Variants in ZNF790 observed in about 807,000 individuals in gnomAD.
The protein encoded by ZNF790 is zinc finger protein 790.
A neutral mutation model predicts 12.1 loss-of-function variants in ZNF790; 8 were observed. The ratio of observed to expected loss-of-function variants is 0.66; its 90% CI spans 0.39 to 1.19. The LOEUF is 1.19. ZNF790 is among the 50% of genes most tolerant of loss of function. The probability of loss-of-function intolerance (pLI) is 0.01; values close to 1 mark genes in which losing one functional copy is unlikely to be tolerated. For missense variants in ZNF790, 707 were observed against 752.2 expected (o/e 0.94, Z 0.70); for synonymous variants, 252 against 244.3 (o/e 1.03, Z -0.29).
intron 1 of ZNF790, among the ~76,000 whole-genome samples, chr19:36,834,294 C>G (rs1001508539): frequency 6.8e-6 from 1 of 146,428 alleles, no homozygotes; most frequent in Non-Finnish European, 1.5e-5. Flanking sequence ...GCAAACCTTA[C>G]GCTAGGAGAC....
intron 1 of ZNF790, among the ~76,000 whole-genome samples, chr19:36,834,167 G>A (rs533328719): frequency 2.0e-5 from 3 of 150,914 alleles, no homozygotes; most frequent in East Asian, 2.0e-4. Context: ...CACTTGAACC[G>A]GGGAGGCAGA....
At chr19:36,849,823 A>G (rs1367926785) in intron 1 of ZNF790, among the ~76,000 whole-genome samples, 2 of 151,244 alleles carry the variant, frequency 1.3e-5, no homozygotes, top group South Asian at 2.1e-4. Flanking sequence ...CACACACTCA[A>G]TATGACCTCC....
At position 36,819,639 on chromosome 19, in the gene ZNF790, A is replaced by T; in HGVS notation, c.705T>A (p.Phe235Leu). The change falls in exon 5 of 5, where the codon TTT becomes TTA. Residue 235 changes from phenylalanine (F) to leucine (L), a missense_variant. Transcript: ENST00000356725. ...TYECKECGKS[F>L]SLRSSLTGHK... ...GACCAGTAAGACTCGAACGTAAACT[A>T]AAAGACTTCCCACATTCTTTACATT... 2 of 1,607,486 alleles carry T rather than the reference A, an allele frequency of 1.2e-6. No homozygotes were observed. The highest frequency in any genetic ancestry group is 4.5e-5 in the East Asian group (2 of 44,766).
At chr19:36,824,239 C>T (rs576803164) in intron 2 of ZNF790, among the ~76,000 whole-genome samples, 25 of 151,896 alleles carry the variant, frequency 1.6e-4, no homozygotes, top group African/African-American at 5.6e-4. Context: ...CCTTGTGATC[C>T]ACCCGCCTCG....
At chr19:36,826,652 A>G (rs979363421) in intron 1 of ZNF790, among the ~76,000 whole-genome samples, 1 of 148,098 alleles carries the variant, frequency 6.8e-6, no homozygotes, top group African/African-American at 2.5e-5. Context: ...AATTATATAT[A>G]TATATGCCTC....
At chr19:36,823,990 C>CGCTTTTT (rs1382604008) in intron 2 of ZNF790, among the ~76,000 whole-genome samples, 200 bp from the exon 3 acceptor site, 1 of 104,468 alleles carries the variant, frequency 9.6e-6, no homozygotes, top group Admixed American at 9.2e-5. Flanking sequence ...TGTCTACATG[C>CGCTTTTT]TCTTTTTTTT....
intron 1 of ZNF790, among the ~76,000 whole-genome samples, chr19:36,835,582 C>T (rs1568341501): frequency 6.6e-6 from 1 of 152,140 alleles, no homozygotes; most frequent in Non-Finnish European, 1.5e-5. Context: ...CACTACACCA[C>T]TGTATTAGTT....
At chr19:36,827,139 CACATATATATATATATATATAT>C in intron 1 of ZNF790, among the ~76,000 whole-genome samples, 1 of 70,218 alleles carries the variant, frequency 1.4e-5, no homozygotes, top group African/African-American at 6.2e-5. Flanking sequence ...CACACACACA[CACATATATATATATATATATAT>C]ATATATATAT....
chr19:36,831,293 C>T (rs1231504336), intron 1 of ZNF790, among the ~76,000 whole-genome samples: 1 of 152,048 alleles, frequency 6.6e-6, no homozygotes, highest in Non-Finnish European at 1.5e-5. Context: ...GATGCAATTG[C>T]AGCTCTAAAA....
In ZNF790 at chr19:36,823,698, C is replaced by T; in HGVS notation, c.102G>A (p.Met34Ile). The T allele has an allele frequency of 1.9e-6, 3 of 1,611,096 alleles. No individual in the cohort carries two copies. The highest frequency in any genetic ancestry group is 2.2e-5 in the East Asian group (1 of 44,870). ...AGACCATGTTGCTGTAGTTCTCCAA[C>T]ATCACATCTCTATATAAATCCCTCT... ...LEQRDLYRDV[M>I]LENYSNMVSL... Residue 34 changes from methionine to isoleucine, a missense_variant, in exon 3 of 5, where the codon ATG becomes ATA. Coordinates refer to ENST00000356725, the MANE Select transcript of ZNF790 (RefSeq NM_206894.4).
chr19:36,819,699 T>C lies in ZNF790; in HGVS notation c.645A>G (p.Gln215=), dbSNP rs1343994337. 5.0e-6 allele frequency: 8 copies of C among 1,613,562 alleles called. No homozygotes were observed. Among genetic ancestry groups the C allele is most frequent in the South Asian group, 1.1e-5 (1 of 91,042 alleles). Residue 215 remains glutamine (Q), a synonymous_variant, in exon 5 of 5, where the codon CAA becomes CAG. Transcript: ENST00000356725. The part of the protein sequence containing the change: ...NTFLPDSEVI[Q]YQTVHTVKKT... ...TCTTAACAGTGTGAACTGTCTGATATTGAATAACTTCTGAATCAGGAAGAA... is the reference window on the plus strand; with the variant it reads ...TCTTAACAGTGTGAACTGTCTGATACTGAATAACTTCTGAATCAGGAAGAA...
chr19:36,835,284 A>AAAAAT (rs142838199), intron 1 of ZNF790, among the ~76,000 whole-genome samples: 1 of 152,072 alleles, frequency 6.6e-6, no homozygotes, highest in African/African-American at 2.4e-5. Context: ...CCGTCTCAAA[A>AAAAAT]AAAATAAAAT....
chr19:36,823,611 TA>T, intron 3 of ZNF790, 55 bp downstream of exon 3: 8 of 1,578,814 alleles, frequency 5.1e-6, no homozygotes, highest in East Asian at 2.2e-5. Context: ...TAAAAGACAA[TA>T]AAAAAAATCA....
Position 36,818,817 on chromosome 19 carries a change from T to C in ZNF790, c.1527A>G (p.Glu509=), listed in dbSNP as rs199903444. Residue 509 remains glutamate, a synonymous_variant, in exon 5 of 5, where the codon GAA becomes GAG. Transcript: ENST00000356725. ...IHTGKRPYEC[E]ECGKAFLWGS... is the part of the protein sequence containing the mutation. ...CCCAGAGAAAGGCTTTTCCACATTC[T>C]TCACATTCATATGGCCTCTTTCCAG... The C allele has an allele frequency of 1.2e-6, 2 of 1,612,436 alleles. No individual in the cohort carries two copies. Among genetic ancestry groups the C allele is most frequent in the Non-Finnish European group, 1.7e-6 (2 of 1,179,272 alleles).
intron 1 of ZNF790, among the ~76,000 whole-genome samples, 171 bp from the exon 2 acceptor site, chr19:36,825,863 T>A (rs2071785498): frequency 6.6e-6 from 1 of 152,190 alleles, no homozygotes. Context: ...GTCGAATCAC[T>A]TATGCCAAAA....
upstream of ZNF790, among the ~76,000 whole-genome samples, chr19:36,838,578 G>A (rs1229990087): frequency 1.3e-5 from 2 of 152,232 alleles, no homozygotes; most frequent in Non-Finnish European, 2.9e-5. This position sits in a 1 kb window ranked among gnomAD's most constrained non-coding sequence, Gnocchi z 4.4. Context: ...GCTGCCGAGA[G>A]CTTCCAGAAT....
At chr19:36,849,257 A>G (rs1600678642) in intron 1 of ZNF790, among the ~76,000 whole-genome samples, 1 of 152,120 alleles carries the variant, frequency 6.6e-6, no homozygotes, top group African/African-American at 2.4e-5. Flanking sequence ...CTTCAGGATT[A>G]TATTTTACAT....
intron 1 of ZNF790, among the ~76,000 whole-genome samples, chr19:36,847,367 C>CA (rs1380821676): frequency 6.6e-6 from 1 of 151,782 alleles, no homozygotes; most frequent in East Asian, 1.9e-4. Flanking sequence ...AAAAACAAAA[C>CA]AAAAAACAAA....
At chr19:36,835,634 A>C (rs762224312) in intron 1 of ZNF790, among the ~76,000 whole-genome samples, 1 of 152,076 alleles carries the variant, frequency 6.6e-6, no homozygotes, top group Non-Finnish European at 1.5e-5. Context: ...ATACAAATCT[A>C]TTATCATATA....
Sources: allele counts gnomAD v4.1 joint callset (sites outside exome capture counted in the v4.1 genomes callset), GRCh38; gene constraint gnomAD v4.1.1; non-coding constraint Gnocchi (gnomAD v3.1); transcripts MANE v1.5; gene names NCBI Gene and HGNC (gene_info 2026-07-23, HGNC 2026-07-21).